BBS9: variants seen among roughly 807,000 people sequenced by gnomAD.
BBS9 encodes protein PTHB1.
Under a neutral mutation model 117.7 loss-of-function variants are expected in BBS9, and 89 were observed. The ratio of observed to expected loss-of-function variants is 0.76; its 90% CI spans 0.64 to 0.90. BBS9 has a LOEUF of 0.90. BBS9 is among the 40% of genes least tolerant of loss of function. The pLI, the probability that BBS9 is intolerant of heterozygous loss-of-function variation, is 0.00. For synonymous variants in BBS9, 379 were observed against 370.9 expected (o/e 1.02, Z -0.25); for missense variants, 982 against 1,042.2 (o/e 0.94, Z 0.80).
chr7:33,388,272 A>G (rs1362183672), intron 19 of BBS9, 128 bp downstream of exon 19: 11 of 1,171,458 alleles, frequency 9.4e-6, no homozygotes, highest in Non-Finnish European at 1.4e-5. Flanking sequence ...TGAACAGTGC[A>G]CAAGCTTTAG....
At chr7:33,546,978 GAC>G (rs532251027) in intron 21 of BBS9, among the ~76,000 whole-genome samples, 2 of 151,756 alleles carry the variant, frequency 1.3e-5, no homozygotes, top group African/African-American at 4.8e-5. Context: ...CGCACATGCA[GAC>G]ACACACACAC....
intron 17 of BBS9, among the ~76,000 whole-genome samples, chr7:33,371,720 T>C (rs1822898704): frequency 2.0e-5 from 3 of 152,006 alleles, no homozygotes. Flanking sequence ...TTTGATAATG[T>C]ATAAATCTGA....
At chr7:33,231,325 A>G (rs1380588076) in intron 5 of BBS9, among the ~76,000 whole-genome samples, 1 of 151,474 alleles carries the variant, frequency 6.6e-6, no homozygotes, top group Non-Finnish European at 1.5e-5. Context: ...TGTTGAAGAG[A>G]CTGTTCTTTA....
At chr7:33,493,053 G>A (rs139220848) in intron 19 of BBS9, among the ~76,000 whole-genome samples, 333 of 152,010 alleles carry the variant, frequency 2.2e-3, no homozygotes, top group African/African-American at 7.7e-3. Context: ...GGAGTGCAGT[G>A]GTGCATTCTT....
chr7:33,560,781 C>T (rs1356355199), intron 21 of BBS9, among the ~76,000 whole-genome samples: 1 of 152,196 alleles, frequency 6.6e-6, no homozygotes, highest in Non-Finnish European at 1.5e-5. Flanking sequence ...CCACAGCCCT[C>T]TCAATTATGT....
intron 20 of BBS9, among the ~76,000 whole-genome samples, chr7:33,519,254 G>A (rs566419616): frequency 6.6e-6 from 1 of 152,220 alleles, no homozygotes; most frequent in East Asian, 1.9e-4. Flanking sequence ...TACTCACATG[G>A]TTCTTCTCTT....
chr7:33,156,553 A>C (rs1794117916), intron 4 of BBS9, among the ~76,000 whole-genome samples: 1 of 152,178 alleles, frequency 6.6e-6, no homozygotes, highest in East Asian at 1.9e-4. Context: ...ATGCATATTT[A>C]CTGACTGAGT....
At chr7:33,341,938 T>C (rs1816654250) in intron 11 of BBS9, among the ~76,000 whole-genome samples, 1 of 152,130 alleles carries the variant, frequency 6.6e-6, no homozygotes, top group Non-Finnish European at 1.5e-5. Flanking sequence ...GAAATTGGTG[T>C]AGAAATTGAT....
intron 5 of BBS9, among the ~76,000 whole-genome samples, chr7:33,187,914 T>C (rs1279454256): frequency 2.0e-5 from 3 of 151,958 alleles, no homozygotes; most frequent in Non-Finnish European, 2.9e-5. Context: ...AGAGCGAGAC[T>C]CCGTCTCGAA....
At chr7:33,507,384 G>A (rs566292568) in intron 20 of BBS9, among the ~76,000 whole-genome samples, 1 of 152,214 alleles carries the variant, frequency 6.6e-6, no homozygotes, top group South Asian at 2.1e-4. Context: ...GGGATTACAG[G>A]TGCGTGCCAC....
rs377615534 is a variant in BBS9 at position 33,177,717 on chromosome 7, T to C, written c.442+126T>C. ...TTAAAATAGACATTTTATTGAAACC[T>C]TTGTATCCAAATGCCCAAGCAAGTC... On this transcript the variant is annotated intron_variant, in intron 5 of 22. Coordinates refer to ENST00000242067, the MANE Select transcript of BBS9 (RefSeq NM_198428.3). 1.1e-4 allele frequency: 82 copies of C among 742,256 alleles called. No individual in the cohort carries two copies. In the African/African-American group the frequency reaches 1.2e-3, roughly 11 times the overall value. 46.0% of individuals were successfully genotyped at this position (742,256 alleles called of 1,614,324 possible).
Position 33,383,725 on chromosome 7 carries a change from A to G in BBS9, c.1849A>G (p.Ile617Val). 6.2e-7 allele frequency: 1 copy of G among 1,612,224 alleles called. No homozygotes were observed. ...EDLWLITNEL[I>V]LRLQEYFEKQ... Reference sequence around the variant, plus strand: ...TCTTTGGCTCATAACCAATGAGCTTATTCTTCGCCTTCAAGAATATTTTGA... The same window carrying G: ...TCTTTGGCTCATAACCAATGAGCTTGTTCTTCGCCTTCAAGAATATTTTGA... Residue 617 changes from isoleucine (I) to valine (V), a missense_variant, in exon 18 of 23, where the codon ATT becomes GTT. Coordinates refer to ENST00000242067, the MANE Select transcript of BBS9 (RefSeq NM_198428.3).
chr7:33,591,330 A>G (rs930620362), intron 21 of BBS9, among the ~76,000 whole-genome samples: 1 of 152,122 alleles, frequency 6.6e-6, no homozygotes, highest in Non-Finnish European at 1.5e-5. Flanking sequence ...TCATTTGGAA[A>G]CTAAAATAGA....
At chr7:33,342,416 T>A (rs1816749490) in intron 11 of BBS9, among the ~76,000 whole-genome samples, 1 of 152,170 alleles carries the variant, frequency 6.6e-6, no homozygotes, top group African/African-American at 2.4e-5. Context: ...GCAACTTATA[T>A]AAGTTTTTCT....
At chr7:33,538,664 T>A (rs1268591106) in intron 21 of BBS9, among the ~76,000 whole-genome samples, 2 of 152,150 alleles carry the variant, frequency 1.3e-5, no homozygotes, top group Non-Finnish European at 2.9e-5. Context: ...CATTTTGAAT[T>A]TTTATAAGTT....
intron 5 of BBS9, among the ~76,000 whole-genome samples, chr7:33,202,384 C>T (rs10486523): frequency 0.083 from 12,580 of 152,216 alleles, 557 homozygotes; most frequent in South Asian, 0.14. Context: ...AATTTTCTAT[C>T]TCCAGTTAGG....
Position 33,270,493 on chromosome 7 carries a change from C to T in BBS9, c.703-2519C>T, listed in dbSNP as rs149352478. On this transcript the variant is annotated intron_variant, in intron 7 of 22. Transcript: ENST00000242067. ...ATACAATGATACAAGAGCTGACAGA[C>T]GAAATAGCCAGTATAGAAAGAACTT... Among the ~76,000 whole-genome samples, 913 of 152,190 alleles carry T rather than the reference C, an allele frequency of 6.0e-3. 11 individuals carry two copies. Among genetic ancestry groups the T allele is most frequent in the African/African-American group, 0.021 (878 of 41,540 alleles).
chr7:33,238,245 T>C (rs148897571), intron 5 of BBS9, among the ~76,000 whole-genome samples: 74 of 152,282 alleles, frequency 4.9e-4, no homozygotes, highest in African/African-American at 1.7e-3. Flanking sequence ...GAGTCAGTCA[T>C]TGGTGGGGCC....
At chr7:33,242,557 T>C (rs1794706029) in intron 5 of BBS9, among the ~76,000 whole-genome samples, 1 of 152,114 alleles carries the variant, frequency 6.6e-6, no homozygotes, top group African/African-American at 2.4e-5. Context: ...TTGCAGCATA[T>C]TGATGTACTT....
Sources: allele counts gnomAD v4.1 joint callset (sites outside exome capture counted in the v4.1 genomes callset), GRCh38; gene constraint gnomAD v4.1.1; transcripts MANE v1.5; gene names NCBI Gene and HGNC (gene_info 2026-07-23, HGNC 2026-07-21).